The following KSR1 variants were observed in gnomAD, a reference collection of about 807,000 sequenced individuals.
KSR1 encodes kinase suppressor of ras 1.
A neutral mutation model predicts 92.9 loss-of-function variants in KSR1; 35 were observed. The observed-to-expected ratio is 0.38, with a 90% confidence interval of 0.29 to 0.50. KSR1 has a LOEUF of 0.50. Among genes scored for constraint, KSR1 ranks in the 20% least tolerant of loss-of-function variants. KSR1 has a pLI of 0.94. For missense variants in KSR1, 972 were observed against 1,158.5 expected (o/e 0.84, Z 2.34); for synonymous variants, 467 against 472.6 (o/e 0.99, Z 0.15).
At chr17:27,594,836 A>G (rs2073288005) in intron 9 of KSR1, among the ~76,000 whole-genome samples, 1 of 152,084 alleles carries the variant, frequency 6.6e-6, no homozygotes, top group African/African-American at 2.4e-5. Context: ...AGCACAAAAT[A>G]GGCAGTCAGG....
chr17:27,506,232 G>C (rs568989098), intron 1 of KSR1, among the ~76,000 whole-genome samples: 1 of 152,312 alleles, frequency 6.6e-6, no homozygotes, highest in African/African-American at 2.4e-5. Flanking sequence ...CTTTGGCTCA[G>C]TGTGGCCTTG....
At chr17:27,535,306 CTGAG>C (rs1223021684) in intron 1 of KSR1, among the ~76,000 whole-genome samples, 1 of 152,108 alleles carries the variant, frequency 6.6e-6, no homozygotes, top group Non-Finnish European at 1.5e-5. Context: ...AGTGCTGTGA[CTGAG>C]TGTGAGGTGC....
chr17:27,577,438 T>A lies in KSR1; in HGVS notation c.373-54T>A. ...GGAGGCCAGCCTGAGGCTGAGGGGC[T>A]CCCGGCCCAGCCGACTGCTCACCGC... is the stretch of plus-strand genomic sequence containing the variant. On this transcript the variant is annotated intron_variant, in intron 2 of 20. Transcript: ENST00000644974. This position sits in a 1 kb window ranked among gnomAD's most constrained non-coding sequence, Gnocchi z 4.5. 1 of 1,169,432 alleles carries A rather than the reference T, an allele frequency of 8.6e-7. No individual in the cohort carries two copies. The highest frequency in any genetic ancestry group is 1.2e-6 in the Non-Finnish European group (1 of 818,348). The allele number at this position is 1,169,432 out of a possible 1,614,324, so 72.4% of individuals were successfully genotyped here.
chr17:27,542,837 G>C lies in KSR1; in HGVS notation c.232-7731G>C, dbSNP rs149142211. ...AGCAAATTCTCAGCAGTGCTATGGG[G>C]CATGTATTATATTTTCTCTGCTTTA... On this transcript the variant is annotated intron_variant, in intron 1 of 20. Coordinates refer to ENST00000644974, the MANE Select transcript of KSR1 (RefSeq NM_001394583.1). Among the ~76,000 whole-genome samples, 206 of 152,302 alleles carry C rather than the reference G, an allele frequency of 1.4e-3. 1 individual carries two copies. The highest frequency in any genetic ancestry group is 4.7e-3 in the African/African-American group (194 of 41,572).
At chr17:27,471,506 G>A (rs1341554799) in intron 1 of KSR1, among the ~76,000 whole-genome samples, 2 of 152,162 alleles carry the variant, frequency 1.3e-5, no homozygotes, top group African/African-American at 4.8e-5. Context: ...GAGCCCTGAG[G>A]CAGAATCGAG....
intron 1 of KSR1, among the ~76,000 whole-genome samples, chr17:27,500,203 G>A (rs1187951102): frequency 6.6e-6 from 1 of 152,192 alleles, no homozygotes; most frequent in Admixed American, 6.5e-5. Flanking sequence ...AATGCAGTGG[G>A]TGTAAAGCTT....
At chr17:27,614,585 G>T (rs950852675) in intron 18 of KSR1, among the ~76,000 whole-genome samples, 2 of 152,244 alleles carry the variant, frequency 1.3e-5, no homozygotes, top group Admixed American at 6.5e-5. Flanking sequence ...AAATGCCAGG[G>T]TTAAGGCCTC....
At chr17:27,464,805 A>G (rs1309627239) in intron 1 of KSR1, among the ~76,000 whole-genome samples, 2 of 152,078 alleles carry the variant, frequency 1.3e-5, no homozygotes, top group African/African-American at 2.4e-5. Flanking sequence ...ATTCTTTACA[A>G]TTGCTTCCAG....
Position 27,585,766 on chromosome 17 carries a change from CCT to C in KSR1, c.985+109_985+110del. On this transcript the variant is annotated intron_variant, in intron 5 of 20. Transcript: ENST00000644974. ...TTGACCCACCTCTTAGCCCGTTCAG[CCT>C]CTCCATAGTCCAGAAGCAGAGGTGC... 5.6e-6 allele frequency: 4 copies of C among 718,308 alleles called. No homozygotes were observed. The South Asian group carries it at 5.9e-5, about 11-fold the overall frequency. 44.5% of individuals were successfully genotyped at this position (718,308 alleles called of 1,614,324 possible). A position where few individuals can be genotyped will look rare whatever the true frequency, so the allele number is the denominator to read the frequency against.
intron 2 of KSR1, among the ~76,000 whole-genome samples, chr17:27,553,278 G>A (rs1055491911): frequency 2.0e-5 from 3 of 152,196 alleles, no homozygotes; most frequent in African/African-American, 7.2e-5. Context: ...AATCCCAGGT[G>A]AGAGCCAGAC....
chr17:27,472,903 T>C (rs1597835129), intron 1 of KSR1, among the ~76,000 whole-genome samples: 1 of 152,212 alleles, frequency 6.6e-6, no homozygotes, highest in Admixed American at 6.5e-5. Context: ...TTATGGCTAA[T>C]GTGAAGTGGA....
intron 1 of KSR1, among the ~76,000 whole-genome samples, chr17:27,494,596 C>G (rs1356484394): frequency 6.6e-6 from 1 of 152,048 alleles, no homozygotes; most frequent in East Asian, 1.9e-4. Context: ...ATAGAGGGAC[C>G]GATATTAGGG....
At chr17:27,546,467 C>T (rs968209794) in intron 1 of KSR1, among the ~76,000 whole-genome samples, 1 of 152,106 alleles carries the variant, frequency 6.6e-6, no homozygotes, top group Non-Finnish European at 1.5e-5. Context: ...CCTGGGAGCT[C>T]GTGTCTATTG....
At chr17:27,561,129 C>G (rs542927636) in intron 2 of KSR1, among the ~76,000 whole-genome samples, 19 of 152,314 alleles carry the variant, frequency 1.2e-4, no homozygotes, top group African/African-American at 4.3e-4. Context: ...ATCCCTGGGA[C>G]AGGAGACAGG....
At chr17:27,609,713 G>T in intron 16 of KSR1, 1 of 337,032 alleles carries the variant, frequency 3.0e-6, no homozygotes, top group Admixed American at 4.4e-5. Context: ...ATGGCAGCAA[G>T]GCTGCAAGGC....
At chr17:27,503,297 G>C (rs928240325) in intron 1 of KSR1, among the ~76,000 whole-genome samples, 2 of 152,188 alleles carry the variant, frequency 1.3e-5, no homozygotes, top group African/African-American at 4.8e-5. Flanking sequence ...TTTGCCACCA[G>C]CATCTCGTGG....
intron 1 of KSR1, among the ~76,000 whole-genome samples, chr17:27,522,443 A>G (rs1197588937): frequency 6.6e-6 from 1 of 152,174 alleles, no homozygotes; most frequent in African/African-American, 2.4e-5. Flanking sequence ...TTGTGTTTGG[A>G]AATAAACAAC....
intron 1 of KSR1, among the ~76,000 whole-genome samples, chr17:27,519,177 TG>T (rs2069919897): frequency 1.3e-5 from 2 of 152,238 alleles, no homozygotes; most frequent in South Asian, 4.2e-4. Flanking sequence ...TAATGGCTTG[TG>T]GTGGTCAGCG....
At chr17:27,608,497 C>T (rs926124482) in intron 15 of KSR1, among the ~76,000 whole-genome samples, 30 of 152,194 alleles carry the variant, frequency 2.0e-4, no homozygotes, top group South Asian at 1.0e-3. Flanking sequence ...AGGTCACCCA[C>T]GCTCCATGCA....
Sources: allele counts gnomAD v4.1 joint callset (sites outside exome capture counted in the v4.1 genomes callset), GRCh38; gene constraint gnomAD v4.1.1; non-coding constraint Gnocchi (gnomAD v3.1); transcripts MANE v1.5; gene names NCBI Gene and HGNC (gene_info 2026-07-23, HGNC 2026-07-21).